The following ABLIM1 variants were observed in gnomAD, a reference collection of about 807,000 sequenced individuals.
ABLIM1 encodes the protein actin binding LIM protein 1.
Under a neutral mutation model 107.0 loss-of-function variants are expected in ABLIM1, and 40 were observed. That is an observed-to-expected ratio of 0.37 (90% confidence interval 0.29 to 0.49). The LOEUF (loss-of-function observed/expected upper bound fraction) is 0.49. Ranked by LOEUF, ABLIM1 falls within the 20% of genes least tolerant of loss-of-function variation. The pLI, the probability that ABLIM1 is intolerant of heterozygous loss-of-function variation, is 0.97. For synonymous variants in ABLIM1, 357 were observed against 357.3 expected, an observed-to-expected ratio of 1.00 and a Z score of 0.01; for missense variants, 857 against 1,008.5, an observed-to-expected ratio of 0.85 and a Z score of 2.04.
chr10:114,601,872 G>A lies in ABLIM1; in HGVS notation c.334C>T (p.Arg112Trp), dbSNP rs771326228. The change falls in exon 2 of 23, where the codon CGG (arginine) becomes TGG (tryptophan). Residue 112 changes from arginine (R) to tryptophan (W), a missense_variant. Around this residue, in one of 5 missense-constraint regions of ABLIM1, gnomAD observed 176 missense variants for 173.5 expected, o/e 1.01. Coordinates refer to ENST00000533213, the MANE Select transcript of ABLIM1 (RefSeq NM_002313.7). ...CGEPCKGEVL[R>W]VQTKHFHIKC... ...ATGTGGAAATGTTTGGTCTGGACCC[G>A]AAGCACTTCACCCTTGCAAGGCTCC... 1.5e-5 allele frequency: 24 copies of A among 1,614,046 alleles called. No homozygotes were observed. Among genetic ancestry groups the A allele is most frequent in the Non-Finnish European group, 1.9e-5 (23 of 1,180,038 alleles).
chr10:114,714,777 T>C (rs1462382438), intron 1 of ABLIM1, among the ~76,000 whole-genome samples: 2 of 152,210 alleles, frequency 1.3e-5, no homozygotes, highest in Non-Finnish European at 2.9e-5. Context: ...AGAGAAAGCC[T>C]TTAGAAGACA....
upstream of ABLIM1, among the ~76,000 whole-genome samples, chr10:114,660,164 C>A (rs541539582): frequency 6.6e-6 from 1 of 152,140 alleles, no homozygotes; most frequent in Non-Finnish European, 1.5e-5. Flanking sequence ...GGGAATTAAG[C>A]CCAACACCAA....
At chr10:114,699,169 C>A in intron 1 of ABLIM1, among the ~76,000 whole-genome samples, 1 of 146,024 alleles carries the variant, frequency 6.8e-6, no homozygotes, top group African/African-American at 2.5e-5. Flanking sequence ...TATAAAAAAC[C>A]ATAATCTAAA....
upstream of ABLIM1, chr10:114,658,391 C>A: frequency 8.6e-7 from 1 of 1,157,292 alleles, no homozygotes; most frequent in Non-Finnish European, 1.1e-6. Flanking sequence ...AGTCAGATGA[C>A]TAGGTATAAA....
chr10:114,685,859 G>A (rs1386713242), upstream of ABLIM1, among the ~76,000 whole-genome samples: 3 of 152,082 alleles, frequency 2.0e-5, no homozygotes, highest in East Asian at 1.9e-4. Flanking sequence ...GTCTTTCATC[G>A]TTGCATTCTT....
chr10:114,606,320 C>T (rs770047249), intron 1 of ABLIM1, among the ~76,000 whole-genome samples: 2 of 152,142 alleles, frequency 1.3e-5, no homozygotes, highest in Non-Finnish European at 2.9e-5. Context: ...ACTGCAACCT[C>T]TGCCTCCTGG....
intron 1 of ABLIM1, among the ~76,000 whole-genome samples, chr10:114,608,749 T>C (rs1458118745): frequency 6.6e-6 from 1 of 152,078 alleles, no homozygotes; most frequent in African/African-American, 2.4e-5. Context: ...GCACGGTGGC[T>C]CACACCTGTA....
At position 114,575,440 on chromosome 10, in the gene ABLIM1, T is replaced by A; in HGVS notation, c.539A>T (p.Asn180Ile). ...CTTGCAGATAGTACAAGCAAAGCAA[T>A]TGGGATGGTAGGTCTTGCCCAGAGC... Reference protein sequence around the residue: ...VTALGKTYHPNCFACTICKRP... With the variant: ...VTALGKTYHPICFACTICKRP... Residue 180 changes from asparagine (N) to isoleucine (I), a missense_variant, in exon 3 of 23, where the codon AAT becomes ATT. Physicochemically the swap from Asn to Ile is moderately radical, Grantham distance 149. Around this residue, in one of 5 missense-constraint regions of ABLIM1, gnomAD observed 381 missense variants for 506.9 expected, o/e 0.75. Coordinates refer to ENST00000533213, the MANE Select transcript of ABLIM1 (RefSeq NM_002313.7). 4 of 1,614,022 alleles carry A rather than the reference T, an allele frequency of 2.5e-6. No homozygotes were observed. Among genetic ancestry groups the A allele is most frequent in the Non-Finnish European group, 3.4e-6 (4 of 1,179,974 alleles).
chr10:114,791,190 C>T, the ABLIM1 span, among the ~76,000 whole-genome samples: 1 of 152,086 alleles, frequency 6.6e-6, no homozygotes, highest in African/African-American at 2.4e-5. Flanking sequence ...AAACTGATCC[C>T]GCCACATAAG....
chr10:114,680,997 TA>T (rs2080723159), intron 1 of ABLIM1, among the ~76,000 whole-genome samples: 3 of 152,146 alleles, frequency 2.0e-5, no homozygotes, highest in Non-Finnish European at 4.4e-5. Context: ...AGCTACCAAT[TA>T]GAGACAGACT....
At chr10:114,479,558 C>T (rs1590197703) in intron 8 of ABLIM1, among the ~76,000 whole-genome samples, 1 of 152,110 alleles carries the variant, frequency 6.6e-6, no homozygotes, top group Non-Finnish European at 1.5e-5. Context: ...CTTCCCATGC[C>T]GATGACGATG....
At chr10:114,782,646 A>T in the ABLIM1 span, among the ~76,000 whole-genome samples, 1 of 152,128 alleles carries the variant, frequency 6.6e-6, no homozygotes, top group African/African-American at 2.4e-5. Context: ...AAGCAGACAA[A>T]TGGTGTGATC....
chr10:114,508,069 C>T (rs2061391172), intron 6 of ABLIM1, among the ~76,000 whole-genome samples: 1 of 152,240 alleles, frequency 6.6e-6, no homozygotes. Flanking sequence ...GCTCAGCAGT[C>T]TGGACTCAGA....
chr10:114,781,000 C>T, the ABLIM1 span, among the ~76,000 whole-genome samples: 1 of 152,166 alleles, frequency 6.6e-6, no homozygotes, highest in Non-Finnish European at 1.5e-5. Context: ...CTCAAGGCTA[C>T]AAAAAGGTCA....
At chr10:114,675,710 C>A (rs2080452400) in intron 1 of ABLIM1, among the ~76,000 whole-genome samples, 1 of 152,214 alleles carries the variant, frequency 6.6e-6, no homozygotes, top group Non-Finnish European at 1.5e-5. Flanking sequence ...GCTTCTATTA[C>A]AAAGTATCGT....
chr10:114,569,252 T>C (rs1016133128), intron 4 of ABLIM1, among the ~76,000 whole-genome samples: 2 of 152,172 alleles, frequency 1.3e-5, no homozygotes, highest in Non-Finnish European at 2.9e-5. Flanking sequence ...CTTGTGGACG[T>C]GTTCTCTGCT....
At chr10:114,451,242 G>A (rs1238490337) in intron 14 of ABLIM1, among the ~76,000 whole-genome samples, 1 of 152,130 alleles carries the variant, frequency 6.6e-6, no homozygotes, top group African/African-American at 2.4e-5. Flanking sequence ...TTTTCTAGGT[G>A]GCTGGTTTTT....
At chr10:114,506,188 T>C (rs1474213257) in intron 6 of ABLIM1, among the ~76,000 whole-genome samples, 1 of 152,194 alleles carries the variant, frequency 6.6e-6, no homozygotes, top group Non-Finnish European at 1.5e-5. Flanking sequence ...GCGAAGGACA[T>C]GATTTTGTTC....
At chr10:114,500,490 G>A (rs1440255061) in intron 6 of ABLIM1, among the ~76,000 whole-genome samples, 1 of 151,830 alleles carries the variant, frequency 6.6e-6, no homozygotes, top group South Asian at 2.1e-4. Context: ...GACCAGCCTG[G>A]GCAACATGGA....
Sources: allele counts gnomAD v4.1 joint callset (sites outside exome capture counted in the v4.1 genomes callset), GRCh38; gene constraint gnomAD v4.1.1; regional missense constraint gnomAD v4.1.1; transcripts MANE v1.5; gene names NCBI Gene and HGNC (gene_info 2026-07-23, HGNC 2026-07-21).